KPRP: variants seen among roughly 807,000 people sequenced by gnomAD.
KPRP encodes the protein keratinocyte proline rich protein, also known as keratinocyte proline-rich protein.
For synonymous variants in KPRP, 282 were observed against 276.9 expected (o/e 1.02, Z -0.18); for missense variants, 820 against 746.4 (o/e 1.10, Z -1.15).
exon 1 of KPRP, chr1:152,761,371 GT>G (rs1350152024): frequency 3.2e-6 from 5 of 1,569,482 alleles, no homozygotes; most frequent in African/African-American, 1.4e-5. Flanking sequence ...CTCTGAAAAT[GT>G]TGTTCCTCCT....
exon 1 of KPRP, chr1:152,761,395 C>T: frequency 6.5e-7 from 1 of 1,532,470 alleles, no homozygotes; most frequent in South Asian, 1.3e-5. Context: ...TCCACAATTT[C>T]CAGTACGCTC....
chr1:152,761,487 T>C, exon 1 of KPRP: 1 of 1,377,442 alleles, frequency 7.3e-7, no homozygotes, highest in Non-Finnish European at 9.7e-7. Flanking sequence ...CATCCAAAGA[T>C]CCACACCTGG....
chr1:152,761,442 T>C (rs1557828694), exon 1 of KPRP: 2 of 1,459,452 alleles, frequency 1.4e-6, no homozygotes, highest in East Asian at 2.5e-5. Context: ...AGAGACTCCC[T>C]ATTACGAAGG....
rs756290489 is a variant in KPRP, at chr1:152,761,346, T to G, written c.*18T>G. ...ATTTTTAAAGGAAAGGTGACTGAGA[T>G]AACCCTCTCTCCTGCTCTGAAAATG... On this transcript the variant is annotated 3_prime_UTR_variant, in exon 1 of 1. Coordinates refer to ENST00000606109, the Ensembl canonical transcript of KPRP. 7 of 1,603,680 alleles carry G rather than the reference T, an allele frequency of 4.4e-6. No homozygotes were observed. In the African/African-American group the frequency reaches 9.4e-5, roughly 21 times the overall value.
At chr1:152,761,199 G>C in exon 1 of KPRP, 1 of 1,614,176 alleles carries the variant, frequency 6.2e-7, no homozygotes, top group African/African-American at 1.3e-5. Context: ...GTTACAACCA[G>C]GGGCAAGAGA....
At chr1:152,760,920 G>T (rs868684069) in exon 1 of KPRP, 1 of 1,613,646 alleles carries the variant, frequency 6.2e-7, no homozygotes. Context: ...GTCCAACACC[G>T]CGGCCAGTTC....
chr1:152,760,528 A>G (rs1236375040), exon 1 of KPRP: 1 of 1,611,776 alleles, frequency 6.2e-7, no homozygotes, highest in East Asian at 2.2e-5. Flanking sequence ...TCGCCGCCCC[A>G]TTTCAAGCTG....
Position 152,760,147 on chromosome 1 carries a change from T to C in KPRP, c.559T>C (p.Ser187Pro), listed in dbSNP as rs1651060931. Residue 187 changes from serine to proline, a missense_variant, in exon 1 of 1, where the codon TCC (serine) becomes CCC (proline). By Grantham distance (74) the Ser-to-Pro change is moderately conservative. Coordinates refer to ENST00000606109, the Ensembl canonical transcript of KPRP. ...CTCCACCCAGTGCCAGTATCAAGGC[T>C]CCTATAGCAGTTGTGGCCCCCAGTT... 4 of 1,613,976 alleles carry C rather than the reference T, an allele frequency of 2.5e-6. No individual in the cohort carries two copies. The East Asian group carries it at 8.9e-5, about 36-fold the overall frequency.
exon 1 of KPRP, chr1:152,759,761 A>G (rs1191071324): frequency 6.2e-7 from 1 of 1,614,164 alleles, no homozygotes; most frequent in Non-Finnish European, 8.5e-7. Flanking sequence ...CAAGTTTGCC[A>G]GGTGTCAGAC....
At chr1:152,761,421 C>T in exon 1 of KPRP, 1 of 1,480,960 alleles carries the variant, frequency 6.8e-7, no homozygotes. Context: ...TGAATCTCTC[C>T]AAAGATATTC....
exon 1 of KPRP, chr1:152,760,010 C>T (rs750432013): frequency 1.9e-6 from 3 of 1,614,190 alleles, no homozygotes; most frequent in Middle Eastern, 1.6e-4. Context: ...GTTTGTTATA[C>T]AGAAACTTGT....
exon 1 of KPRP, chr1:152,761,501 T>C: frequency 7.9e-7 from 1 of 1,267,910 alleles, no homozygotes; most frequent in Non-Finnish European, 1.1e-6. Flanking sequence ...CACCTGGGTC[T>C]CAGATGCCTC....
At chr1:152,761,422 A>G in exon 1 of KPRP, 2 of 1,480,748 alleles carry the variant, frequency 1.4e-6, no homozygotes, top group Non-Finnish European at 1.8e-6. Context: ...GAATCTCTCC[A>G]AAGATATTCA....
exon 1 of KPRP, chr1:152,760,923 G>A: frequency 6.2e-7 from 1 of 1,613,548 alleles, no homozygotes. Context: ...CAACACCGCG[G>A]CCAGTTCCCC....
rs1430220937 is a variant in KPRP at position 152,760,931 on chromosome 1, C to T, written c.1343C>T (p.Pro448Leu). 5.0e-6 allele frequency: 8 copies of T among 1,613,176 alleles called. No individual in the cohort carries two copies. In the East Asian group the frequency reaches 1.3e-4, roughly 27 times the overall value. Residue 448 changes from proline to leucine, a missense_variant, in exon 1 of 1, where the codon CCC (proline) becomes CTC (leucine). Physicochemically the swap from Pro to Leu is moderately conservative, Grantham distance 98. Transcript: ENST00000606109. ...CTACGTCCAACACCGCGGCCAGTTC[C>T]CCTTCCTCGCCCAGGGCAGTGTGAG...
At chr1:152,760,557 C>T in exon 1 of KPRP, 1 of 1,610,212 alleles carries the variant, frequency 6.2e-7, no homozygotes, top group Non-Finnish European at 8.5e-7. Flanking sequence ...GACGTGGCCC[C>T]AAGTGCCGAA....
chr1:152,760,207 C>G (rs1469061218), exon 1 of KPRP: 1 of 1,614,040 alleles, frequency 6.2e-7, no homozygotes, highest in Non-Finnish European at 8.5e-7. Context: ...CTACACCCCC[C>G]AGTTCCAGTT....
In KPRP at chr1:152,760,261, A is replaced by T. The variant is rs756815512; in HGVS notation, c.673A>T (p.Thr225Ser). The T allele has an allele frequency of 1.9e-6, 3 of 1,613,836 alleles. No homozygotes were observed. The East Asian group carries it at 6.7e-5, about 36-fold the overall frequency. ...CTGTTTCCCTCAGTATCGGTCCCGG[A>T]CTTCATTTAGTCCCTGTGTGCCCCA... Residue 225 changes from threonine to serine, a missense_variant, in exon 1 of 1, where the codon ACT (threonine) becomes TCT (serine). Physicochemically the swap from Thr to Ser is moderately conservative, Grantham distance 58. Transcript: ENST00000606109.
upstream of KPRP, among the ~76,000 whole-genome samples, chr1:152,758,109 G>A (rs560593297): frequency 6.6e-6 from 1 of 152,314 alleles, no homozygotes; most frequent in African/African-American, 2.4e-5. Context: ...GATGTTCAGG[G>A]GAGAGCCCAG....
Sources: allele counts gnomAD v4.1 joint callset (sites outside exome capture counted in the v4.1 genomes callset), GRCh38; gene constraint gnomAD v4.1.1; transcripts MANE v1.5; gene names NCBI Gene and HGNC (gene_info 2026-07-23, HGNC 2026-07-21).